IPO5: variants seen among roughly 807,000 people sequenced by gnomAD.
IPO5 encodes the protein importin-5.
IPO5 carries 18 observed loss-of-function variants against 143.3 expected under a neutral mutation model. That is an observed-to-expected ratio of 0.13 (90% CI 0.09 to 0.19). The LOEUF (loss-of-function observed/expected upper bound fraction) is 0.19, where lower values mean the gene tolerates loss of function less well. Ranked by LOEUF, IPO5 falls within the 10% of genes least tolerant of loss-of-function variation. The pLI is 1.00. For missense variants in IPO5, 1,013 were observed against 1,336.9 expected (o/e 0.76, Z 3.78); for synonymous variants, 477 against 465.7 (o/e 1.02, Z -0.31).
intron 25 of IPO5, 41 bp downstream of exon 25, chr13:98,016,892 C>T: frequency 7.1e-7 from 1 of 1,416,102 alleles, no homozygotes; most frequent in African/African-American, 1.5e-5. Flanking sequence ...GCGTAGTTTA[C>T]CTGGAATTCT....
intron 4 of IPO5, among the ~76,000 whole-genome samples, chr13:97,978,682 A>G (rs904910666): frequency 6.6e-6 from 1 of 152,230 alleles, no homozygotes; most frequent in African/African-American, 2.4e-5. Flanking sequence ...ACAAAGCAGA[A>G]CAGCATTGTA....
intron 15 of IPO5, 39 bp from the exon 16 acceptor site, chr13:98,002,825 A>G (rs1396144258): frequency 6.3e-7 from 1 of 1,599,074 alleles, no homozygotes; most frequent in Admixed American, 1.7e-5. Context: ...AGAAGGGTGG[A>G]CATTTCAACA....
rs869302123 is a variant in IPO5, at chr13:98,006,866, G to GTT, written c.1716+534_1716+535dup. Among the ~76,000 whole-genome samples the GTT allele has an allele frequency of 2.7e-3, 343 of 125,052 alleles. 4 individuals are homozygous for GTT. The highest frequency in any genetic ancestry group is 8.9e-3 in the African/African-American group (299 of 33,632). The allele number at this position is 125,052 out of a possible 152,430, so 82.0% of individuals were successfully genotyped here. On this transcript the variant is annotated intron_variant, in intron 17 of 28. Coordinates refer to ENST00000651721, the MANE Select transcript of IPO5 (RefSeq NM_002271.6). ...TCATTGTTTGTTTGTTTGGTTTGGT[G>GTT]TTTTTTTTTTTTTTTTTGAGACCAA...
intron 2 of IPO5, among the ~76,000 whole-genome samples, chr13:97,962,380 A>G (rs536439154): frequency 1.3e-5 from 2 of 152,302 alleles, no homozygotes; most frequent in South Asian, 4.1e-4. Flanking sequence ...TCTATGATCC[A>G]CTTTGAAGTT....
intron 2 of IPO5, among the ~76,000 whole-genome samples, chr13:97,969,153 G>GTATATATATATATATATA (rs1210544640): frequency 7.9e-4 from 50 of 63,460 alleles, no homozygotes; most frequent in Non-Finnish European, 1.3e-3. Flanking sequence ...TTTCTGCTAA[G>GTATATATATATATATATA]TATATATATA....
intron 12 of IPO5, among the ~76,000 whole-genome samples, chr13:97,997,863 T>C (rs1888430165): frequency 2.0e-5 from 3 of 152,366 alleles, no homozygotes; most frequent in South Asian, 4.1e-4. Flanking sequence ...TAATAGTTAA[T>C]ACATAAAGTT....
At chr13:97,981,637 A>G (rs894299439) in intron 4 of IPO5, among the ~76,000 whole-genome samples, 1 of 152,248 alleles carries the variant, frequency 6.6e-6, no homozygotes, top group African/African-American at 2.4e-5. Flanking sequence ...CTAGATAAGA[A>G]TGGATTATCT....
intron 21 of IPO5, among the ~76,000 whole-genome samples, chr13:98,012,652 C>T (rs1329791440): frequency 6.6e-6 from 1 of 151,930 alleles, no homozygotes; most frequent in Non-Finnish European, 1.5e-5. Context: ...TTTTGGTAAA[C>T]GTTAAGAAAA....
At position 98,022,277 on chromosome 13, in the gene IPO5, G is replaced by A. The variant is rs1890545996; in HGVS notation, c.*455G>A. The A allele has an allele frequency of 1.3e-5, 2 of 152,502 alleles. No homozygotes were observed. Among genetic ancestry groups the A allele is most frequent in the Non-Finnish European group, 2.9e-5 (2 of 68,218 alleles). The allele number at this position is 152,502 out of a possible 1,614,324, so 9.4% of individuals were successfully genotyped here. A position where few individuals can be genotyped will look rare whatever the true frequency, so the allele number is the denominator to read the frequency against. On this transcript the variant is annotated 3_prime_UTR_variant, in exon 29 of 29. Coordinates refer to ENST00000651721, the MANE Select transcript of IPO5 (RefSeq NM_002271.6). ...AAGAAGCCTCCTACCCAGCAAACCAGTAGACCCAAAAGTTGAAAAAAACTG... is the reference window on the plus strand; with the variant it reads ...AAGAAGCCTCCTACCCAGCAAACCAATAGACCCAAAAGTTGAAAAAAACTG...
intron 11 of IPO5, among the ~76,000 whole-genome samples, chr13:97,994,302 C>G (rs567516275): frequency 6.7e-6 from 1 of 150,206 alleles, no homozygotes; most frequent in Non-Finnish European, 1.5e-5. Context: ...GAGCGAAACT[C>G]GTCTCAAAAA....
Position 98,024,116 on chromosome 13 carries a change from TG to T in IPO5, c.*2295del, listed in dbSNP as rs1451409055. ...TTTTGTAACAAGTTACACGCACAAG[TG>T]TTAGAAACTTTGGCATAACTCAATT... On this transcript the variant is annotated 3_prime_UTR_variant, in exon 29 of 29. Coordinates refer to ENST00000651721, the MANE Select transcript of IPO5 (RefSeq NM_002271.6). 1 of 152,216 alleles carries T rather than the reference TG, an allele frequency of 6.6e-6. No individual in the cohort carries two copies. Among genetic ancestry groups the T allele is most frequent in the African/African-American group, 2.4e-5 (1 of 41,466 alleles). 9.4% of individuals were successfully genotyped at this position (152,216 alleles called of 1,614,324 possible).
intron 6 of IPO5, among the ~76,000 whole-genome samples, chr13:97,988,792 AAAG>A (rs1164283622): frequency 2.6e-5 from 4 of 152,166 alleles, no homozygotes; most frequent in Admixed American, 6.5e-5. Flanking sequence ...CATCTAAAAA[AAAG>A]AAGAACCTCT....
chr13:98,015,501 G>T, intron 22 of IPO5, 29 bp from the exon 23 acceptor site: 1 of 1,330,138 alleles, frequency 7.5e-7, no homozygotes, highest in South Asian at 1.3e-5. Context: ...CAAATCTTAT[G>T]GATTGCTTTC....
intron 2 of IPO5, among the ~76,000 whole-genome samples, chr13:97,968,331 C>T (rs1211767166): frequency 6.6e-6 from 1 of 152,162 alleles, no homozygotes; most frequent in African/African-American, 2.4e-5. Context: ...GTTCCATATT[C>T]ACTTGAGGAA....
At chr13:97,993,677 G>A (rs183222916) in intron 11 of IPO5, among the ~76,000 whole-genome samples, 3 of 152,260 alleles carry the variant, frequency 2.0e-5, no homozygotes, top group Non-Finnish European at 2.9e-5. Flanking sequence ...ATAGACCCTC[G>A]TTGCAGCAGA....
chr13:97,959,515 G>A (rs1884702259), intron 2 of IPO5, among the ~76,000 whole-genome samples: 1 of 152,056 alleles, frequency 6.6e-6, no homozygotes, highest in African/African-American at 2.4e-5. Flanking sequence ...GGGTCACAAA[G>A]TCAGAAGTTC....
chr13:97,975,846 C>A, intron 3 of IPO5: 1 of 895,498 alleles, frequency 1.1e-6, no homozygotes, highest in Non-Finnish European at 1.3e-6. Context: ...GGACGGGCGG[C>A]CTGGCGGGAC....
intron 21 of IPO5, among the ~76,000 whole-genome samples, chr13:98,013,454 C>T (rs1028049764): frequency 2.6e-5 from 4 of 152,096 alleles, no homozygotes; most frequent in African/African-American, 7.2e-5. Context: ...CTCCAAAGCC[C>T]GTTTGTCATC....
intron 11 of IPO5, 124 bp downstream of exon 11, chr13:97,993,349 A>C: frequency 2.5e-6 from 2 of 812,954 alleles, no homozygotes; most frequent in Non-Finnish European, 3.9e-6. Flanking sequence ...GAATCAGATG[A>C]ATTTGGGAAA....
Sources: gnomAD v4.1 joint callset for allele counts (sites outside exome capture counted in the v4.1 genomes callset) on GRCh38, gnomAD v4.1.1 for gene constraint, MANE v1.5 for transcripts, NCBI Gene and HGNC (gene_info 2026-07-23, HGNC 2026-07-21) for gene names.